The following THSD7A variants were observed in gnomAD, a reference collection of about 807,000 sequenced individuals.
THSD7A encodes the protein thrombospondin type 1 domain containing 7A.
In THSD7A, 96 loss-of-function variants were observed where a neutral mutation model predicts 231.3. The observed-to-expected ratio is 0.41, with a 90% CI of 0.35 to 0.49. The LOEUF (loss-of-function observed/expected upper bound fraction) is 0.49. Ranked by LOEUF, THSD7A falls within the 20% of genes least tolerant of loss-of-function variation. The pLI is 0.05. For synonymous variants in THSD7A, 940 were observed against 743.3 expected, an observed-to-expected ratio of 1.26 and a Z score of -4.30; for missense variants, 2,290 against 2,070.2, an observed-to-expected ratio of 1.11 and a Z score of -2.06.
intron 11 of THSD7A, among the ~76,000 whole-genome samples, chr7:11,449,482 C>A (rs1052361268): frequency 1.3e-5 from 2 of 151,996 alleles, no homozygotes; most frequent in African/African-American, 4.8e-5. Flanking sequence ...ATGGCTAAGA[C>A]AGAAAATCCT....
chr7:11,437,281 CT>C (rs1784663450), intron 13 of THSD7A, among the ~76,000 whole-genome samples: 1 of 152,188 alleles, frequency 6.6e-6, no homozygotes, highest in South Asian at 2.1e-4. Flanking sequence ...ATCTCCAGCC[CT>C]TCTCTCCCTC....
At chr7:11,770,339 T>A (rs1273456752) in intron 1 of THSD7A, among the ~76,000 whole-genome samples, 1 of 152,168 alleles carries the variant, frequency 6.6e-6, no homozygotes, top group Non-Finnish European at 1.5e-5. Flanking sequence ...TATATTTTAA[T>A]TGCAATTGCC....
intron 1 of THSD7A, among the ~76,000 whole-genome samples, chr7:11,660,398 A>C (rs1484148772): frequency 6.6e-6 from 1 of 151,556 alleles, no homozygotes; most frequent in Non-Finnish European, 1.5e-5. Context: ...CAATTCTGGA[A>C]TATCTAAGAT....
chr7:11,411,461 T>C lies in THSD7A; in HGVS notation c.3683-139A>G. 1 of 624,434 alleles carries C rather than the reference T, an allele frequency of 1.6e-6. No individual in the cohort carries two copies. Among genetic ancestry groups the C allele is most frequent in the Non-Finnish European group, 2.8e-6 (1 of 356,212 alleles). 38.7% of individuals were successfully genotyped at this position (624,434 alleles called of 1,614,324 possible). A position where few individuals can be genotyped will look rare whatever the true frequency, so the allele number is the denominator to read the frequency against. ...AATCAATCATCCCCCATGCAGAGCATATGGGTCCCAGCTTTGAACGTATCA... is the reference window on the plus strand; with the variant it reads ...AATCAATCATCCCCCATGCAGAGCACATGGGTCCCAGCTTTGAACGTATCA... On this transcript the variant is annotated intron_variant, in intron 18 of 27. Transcript: ENST00000423059. This position sits in a 1 kb window ranked among gnomAD's most constrained non-coding sequence, Gnocchi z 4.1.
chr7:11,483,013 C>G (rs1315662478), intron 6 of THSD7A, among the ~76,000 whole-genome samples: 2 of 152,102 alleles, frequency 1.3e-5, no homozygotes. Flanking sequence ...TGAAATCATA[C>G]ACAATCAAAC....
intron 1 of THSD7A, among the ~76,000 whole-genome samples, chr7:11,776,371 A>C (rs1783405423): frequency 6.6e-6 from 1 of 152,218 alleles, no homozygotes; most frequent in African/African-American, 2.4e-5. Flanking sequence ...TGTGACTACA[A>C]TGCCTGCAAG....
At chr7:11,548,919 C>T (rs761300174) in intron 4 of THSD7A, among the ~76,000 whole-genome samples, 2 of 151,438 alleles carry the variant, frequency 1.3e-5, no homozygotes, top group African/African-American at 2.4e-5. Flanking sequence ...TGTAAGTATT[C>T]ACCTTGAGAA....
intron 3 of THSD7A, among the ~76,000 whole-genome samples, chr7:11,591,765 T>C (rs1042151079): frequency 5.9e-5 from 9 of 152,154 alleles, no homozygotes; most frequent in Non-Finnish European, 1.3e-4. Flanking sequence ...ACACGAATAA[T>C]TGATGCCTGG....
Position 11,444,584 on chromosome 7 carries a change from A to G in THSD7A, c.3064+1477T>C, listed in dbSNP as rs1784902667. ...ACATGGGCACAGGGAGGGGAACATC[A>G]CACACCGGGGTCTGTCAGGGGATGG... On this transcript the variant is annotated intron_variant, in intron 13 of 27. Coordinates refer to ENST00000423059, the MANE Select transcript of THSD7A (RefSeq NM_015204.3). The surrounding 1 kb of genome is among the most constrained non-coding windows in gnomAD (Gnocchi z 4.2). 6.6e-6 allele frequency among the ~76,000 whole-genome samples: 1 copy of G among 151,870 alleles called. No individual in the cohort carries two copies. Among genetic ancestry groups the G allele is most frequent in the African/African-American group, 2.4e-5 (1 of 41,380 alleles).
chr7:11,622,187 GTTTAT>G (rs1478644530), intron 2 of THSD7A, among the ~76,000 whole-genome samples: 1 of 151,926 alleles, frequency 6.6e-6, no homozygotes, highest in African/African-American at 2.4e-5. Flanking sequence ...TAAAAATGGT[GTTTAT>G]TTTAATTTTC....
chr7:11,394,514 G>C (rs1418228542), intron 23 of THSD7A, among the ~76,000 whole-genome samples: 1 of 152,226 alleles, frequency 6.6e-6, no homozygotes, highest in Admixed American at 6.5e-5. Context: ...GCTGTTCTCT[G>C]ACCCTGAGGC....
chr7:11,780,237 GC>G (rs1385284310), intron 1 of THSD7A, among the ~76,000 whole-genome samples: 15 of 152,016 alleles, frequency 9.9e-5, no homozygotes, highest in African/African-American at 3.6e-4. Flanking sequence ...CTCCCAATGG[GC>G]CCACCTTTTA....
rs962052247 is a variant in THSD7A, at chr7:11,727,988, G to C, written c.191-91027C>G. On this transcript the variant is annotated intron_variant, in intron 1 of 27. Coordinates refer to ENST00000423059, the MANE Select transcript of THSD7A (RefSeq NM_015204.3). Reference sequence around the variant, plus strand: ...TCAAACTGAAAGCAAGCTTCCTAAGGTGTTTGTAAGAAGTTCTGAAGTGTT... The same window carrying C: ...TCAAACTGAAAGCAAGCTTCCTAAGCTGTTTGTAAGAAGTTCTGAAGTGTT... Among the ~76,000 whole-genome samples the C allele has an allele frequency of 2.6e-5, 4 of 151,998 alleles. No homozygotes were observed. The South Asian group carries it at 6.2e-4, about 24-fold the overall frequency.
At chr7:11,741,264 A>T (rs1298385231) in intron 1 of THSD7A, among the ~76,000 whole-genome samples, 2 of 152,068 alleles carry the variant, frequency 1.3e-5, no homozygotes, top group Non-Finnish European at 2.9e-5. Flanking sequence ...TGACTCAGGA[A>T]AAAACTGTTT....
chr7:11,753,032 T>C (rs1392519255), intron 1 of THSD7A, among the ~76,000 whole-genome samples: 1 of 152,158 alleles, frequency 6.6e-6, no homozygotes, highest in African/African-American at 2.4e-5. Context: ...AGTGTTAGTT[T>C]ATAAAATAAA....
chr7:11,716,383 G>A (rs62433392), intron 1 of THSD7A, among the ~76,000 whole-genome samples: 5,211 of 151,676 alleles, frequency 0.034, 136 homozygotes, highest in Middle Eastern at 0.088. Context: ...TTACAATGTA[G>A]GGATTCAAGG....
At chr7:11,454,933 G>A (rs1785256946) in intron 11 of THSD7A, among the ~76,000 whole-genome samples, 1 of 151,798 alleles carries the variant, frequency 6.6e-6, no homozygotes, top group African/African-American at 2.4e-5. Flanking sequence ...TTAAAAGTTC[G>A]GATCCTGCAC....
chr7:11,415,933 A>G (rs996609136), intron 17 of THSD7A, among the ~76,000 whole-genome samples: 2 of 152,174 alleles, frequency 1.3e-5, no homozygotes, highest in Non-Finnish European at 2.9e-5. Flanking sequence ...TCTCCTGCCC[A>G]AAAATCTTTT....
At chr7:11,619,872 T>C (rs951390522) in intron 2 of THSD7A, among the ~76,000 whole-genome samples, 2 of 152,192 alleles carry the variant, frequency 1.3e-5, no homozygotes, top group African/African-American at 4.8e-5. Flanking sequence ...TAGAATAATA[T>C]GTCAATTTTA....
Sources: allele counts gnomAD v4.1 joint callset (sites outside exome capture counted in the v4.1 genomes callset), GRCh38; gene constraint gnomAD v4.1.1; non-coding constraint Gnocchi (gnomAD v3.1); transcripts MANE v1.5; gene names NCBI Gene and HGNC (gene_info 2026-07-23, HGNC 2026-07-21).